CFAP53: variants seen among roughly 807,000 people sequenced by gnomAD.
CFAP53 encodes the protein cilia- and flagella-associated protein 53.
A neutral mutation model predicts 59.7 loss-of-function variants in CFAP53; 62 were observed. The observed-to-expected ratio is 1.04, with a 90% CI of 0.85 to 1.28. CFAP53 has a LOEUF of 1.28. CFAP53 is among the 50% of genes most tolerant of loss of function. The pLI, the probability that CFAP53 is intolerant of heterozygous loss-of-function variation, is 0.00. For synonymous variants in CFAP53, 218 were observed against 205.7 expected (o/e 1.06, Z -0.51); for missense variants, 629 against 615.6 (o/e 1.02, Z -0.23).
At chr18:50,234,663 G>C (rs2033613758) in intron 7 of CFAP53, among the ~76,000 whole-genome samples, 2 of 152,180 alleles carry the variant, frequency 1.3e-5, no homozygotes, top group South Asian at 4.1e-4. Context: ...CACTATAGTT[G>C]CAGCAATACC....
In CFAP53 at chr18:50,227,531, C is replaced by T; in HGVS notation, c.1395G>A (p.Glu465=). 1 of 1,614,190 alleles carries T rather than the reference C, an allele frequency of 6.2e-7. No homozygotes were observed. Among genetic ancestry groups the T allele is most frequent in the Admixed American group, 1.7e-5 (1 of 60,020 alleles). The change falls in exon 8 of 8, where the codon GAG becomes GAA. Residue 465 remains glutamate (E), a synonymous_variant. Transcript: ENST00000398545. ...IAYQQQSQEA[E]KEEKRREFEA... ...CAAACTCTCGGCGTTTCTCTTCCTT[C>T]TCTGCTTCTTGGGACTGCTGCTGGT... is the stretch of plus-strand genomic sequence containing the variant.
intron 1 of CFAP53, 72 bp downstream of exon 1, chr18:50,266,264 G>C: frequency 6.9e-7 from 1 of 1,459,102 alleles, no homozygotes; most frequent in African/African-American, 1.4e-5. Context: ...GGGCCGAAGT[G>C]GGATAGGCCA....
At chr18:50,263,309 A>G (rs761994276) in intron 1 of CFAP53, among the ~76,000 whole-genome samples, 22 of 152,226 alleles carry the variant, frequency 1.4e-4, no homozygotes, top group Non-Finnish European at 2.9e-4. Flanking sequence ...AAAACTCTTA[A>G]GAGACAGAGA....
chr18:50,257,196 G>C (rs1217382251), intron 3 of CFAP53, among the ~76,000 whole-genome samples: 1 of 152,038 alleles, frequency 6.6e-6, no homozygotes, highest in Non-Finnish European at 1.5e-5. Context: ...ACTGCACTGA[G>C]AGATGTATCT....
rs118017236 is a variant in CFAP53, at chr18:50,247,442, T to C, written c.996+3316A>G. On this transcript the variant is annotated intron_variant, in intron 5 of 7. Coordinates refer to ENST00000398545, the MANE Select transcript of CFAP53 (RefSeq NM_145020.5). ...ACAGAGTTACCGTATGGCCCAGTAG[T>C]ACTACTTCTAGATACATGCCCCAAA... Among the ~76,000 whole-genome samples, 1,236 of 152,322 alleles carry C rather than the reference T, an allele frequency of 8.1e-3. 15 individuals are homozygous for C. The highest frequency in any genetic ancestry group is 0.013 in the Non-Finnish European group (910 of 68,032).
chr18:50,236,516 C>T (rs2033634954), intron 7 of CFAP53, among the ~76,000 whole-genome samples: 1 of 152,110 alleles, frequency 6.6e-6, no homozygotes, highest in South Asian at 2.1e-4. Context: ...CTTAACTGGC[C>T]TGGCAGCTGC....
At chr18:50,237,846 T>A (rs886095304) in intron 7 of CFAP53, among the ~76,000 whole-genome samples, 4 of 152,158 alleles carry the variant, frequency 2.6e-5, no homozygotes, top group African/African-American at 9.7e-5. Flanking sequence ...AGTGTTCTAG[T>A]GCAGTAAGGC....
intron 3 of CFAP53, chr18:50,256,127 G>A (rs2033845117): frequency 6.6e-6 from 1 of 152,154 alleles, no homozygotes; most frequent in East Asian, 1.9e-4. Context: ...TCATACAAGT[G>A]AAATCTGTAA....
At chr18:50,241,091 T>A (rs967381334) in intron 6 of CFAP53, among the ~76,000 whole-genome samples, 2 of 152,226 alleles carry the variant, frequency 1.3e-5, no homozygotes, top group Non-Finnish European at 1.5e-5. Context: ...ATGTATCACT[T>A]AGCAGTATGA....
chr18:50,233,034 A>G (rs2033597221), intron 7 of CFAP53, among the ~76,000 whole-genome samples: 1 of 152,216 alleles, frequency 6.6e-6, no homozygotes, highest in Non-Finnish European at 1.5e-5. Context: ...CTACAACAAG[A>G]AAAAGTCAGA....
At chr18:50,231,420 CCT>C (rs1409510850) in intron 7 of CFAP53, among the ~76,000 whole-genome samples, 3 of 152,196 alleles carry the variant, frequency 2.0e-5, no homozygotes, top group African/African-American at 4.8e-5. Flanking sequence ...AAGCCTCTGG[CCT>C]CTCTCTTTCC....
chr18:50,242,870 CTATAA>C (rs757221686), intron 6 of CFAP53, 25 bp downstream of exon 6: 17 of 1,558,350 alleles, frequency 1.1e-5, no homozygotes, highest in South Asian at 1.0e-4. Flanking sequence ...TAAGGGCAAG[CTATAA>C]TATAACTGTA....
At chr18:50,251,317 C>T (rs987225002) in intron 4 of CFAP53, among the ~76,000 whole-genome samples, 164 bp downstream of exon 4, 2 of 152,206 alleles carry the variant, frequency 1.3e-5, no homozygotes, top group African/African-American at 4.8e-5. Context: ...ATGAACTCTG[C>T]ACCACACATT....
chr18:50,251,568 T>G lies in CFAP53; in HGVS notation c.690A>C (p.Thr230=). The G allele has an allele frequency of 6.2e-7, 1 of 1,614,242 alleles. No homozygotes were observed. The highest frequency in any genetic ancestry group is 8.5e-7 in the Non-Finnish European group (1 of 1,180,036). The change falls in exon 4 of 8, where the codon ACA becomes ACC. Residue 230 remains threonine, a synonymous_variant. Coordinates refer to ENST00000398545, the MANE Select transcript of CFAP53 (RefSeq NM_145020.5). The stretch of plus-strand genomic sequence containing the variant: ...TGATCTGGGCATTCAGCCCCAGGCG[T>G]GTGTTCTCCATCAGCTCTTTCTGTC... The part of the protein sequence containing the change: ...ARRQKELMEN[T]RLGLNAQITS...
intron 3 of CFAP53, among the ~76,000 whole-genome samples, chr18:50,259,180 G>C (rs2033869906): frequency 6.6e-6 from 1 of 152,210 alleles, no homozygotes. Flanking sequence ...GTTTACAACA[G>C]CTAAGATTTG....
At chr18:50,257,026 A>C (rs772288319) in intron 3 of CFAP53, among the ~76,000 whole-genome samples, 4 of 151,408 alleles carry the variant, frequency 2.6e-5, no homozygotes, top group East Asian at 1.9e-4. Flanking sequence ...TACTTACTGA[A>C]TGAATGAATG....
Position 50,261,049 on chromosome 18 carries a change from T to G in CFAP53, c.473+15A>C, listed in dbSNP as rs1353307324. ...CAACTTTGGATTCTGTTTGTGTGTT[T>G]TCTGATTTCATTACCTGAATTGCTG... On this transcript the variant is annotated intron_variant, in intron 3 of 7. Transcript: ENST00000398545. The G allele has an allele frequency of 6.3e-7, 1 of 1,588,112 alleles. No individual in the cohort carries two copies.
At chr18:50,246,134 C>T (rs2033741974) in intron 5 of CFAP53, among the ~76,000 whole-genome samples, 1 of 152,224 alleles carries the variant, frequency 6.6e-6, no homozygotes, top group Admixed American at 6.5e-5. Flanking sequence ...AGGTGATCCT[C>T]CTGCCTCAGC....
At chr18:50,240,698 T>C (rs1049609502) in intron 6 of CFAP53, among the ~76,000 whole-genome samples, 5 of 152,240 alleles carry the variant, frequency 3.3e-5, no homozygotes, top group African/African-American at 4.8e-5. Flanking sequence ...CTTTTCAGCA[T>C]ATAAACTTTC....
Sources: allele counts gnomAD v4.1 joint callset (sites outside exome capture counted in the v4.1 genomes callset), GRCh38; gene constraint gnomAD v4.1.1; transcripts MANE v1.5; gene names NCBI Gene and HGNC (gene_info 2026-07-23, HGNC 2026-07-21).